Variants in MEIS2 observed in about 807,000 individuals in gnomAD.
MEIS2 encodes the protein homeobox protein Meis2.
A neutral mutation model predicts 58.6 loss-of-function variants in MEIS2; 9 were observed. That is an observed-to-expected ratio of 0.15 (90% CI 0.09 to 0.27). The LOEUF (loss-of-function observed/expected upper bound fraction) is 0.27, where lower values mean the gene tolerates loss of function less well. Ranked by LOEUF, MEIS2 falls within the 10% of genes least tolerant of loss-of-function variation. MEIS2 has a pLI of 1.00. For synonymous variants in MEIS2, 221 were observed against 228.4 expected, an observed-to-expected ratio of 0.97 and a Z score of 0.29; for missense variants, 427 against 635.0, an observed-to-expected ratio of 0.67 and a Z score of 3.52.
intron 7 of MEIS2, among the ~76,000 whole-genome samples, chr15:37,082,672 C>T (rs978882077): frequency 6.6e-6 from 1 of 152,162 alleles, no homozygotes; most frequent in Admixed American, 6.5e-5. Flanking sequence ...TGATTCATCG[C>T]TGTGTTAGTT....
At chr15:36,935,110 G>A (rs1021101384) in intron 9 of MEIS2, among the ~76,000 whole-genome samples, 1 of 151,900 alleles carries the variant, frequency 6.6e-6, no homozygotes. Context: ...GAGCCACTTA[G>A]CTGGTTGTTA....
At chr15:36,988,775 T>C (rs899608767) in intron 8 of MEIS2, among the ~76,000 whole-genome samples, 5 of 152,222 alleles carry the variant, frequency 3.3e-5, no homozygotes, top group African/African-American at 1.2e-4. Context: ...GATTTGGCAG[T>C]TCCCCCAAAC....
rs574595231 is a variant in MEIS2, at chr15:37,089,728, A to G, written c.639+3853T>C. On this transcript the variant is annotated intron_variant, in intron 6 of 11. Transcript: ENST00000561208. ...ACTAGGAATAACAATATAATTGTAT[A>G]ACTGTATTTGCTTCAAGAAAATAGA... Among the ~76,000 whole-genome samples, 17 of 152,304 alleles carry G rather than the reference A, an allele frequency of 1.1e-4. No individual in the cohort carries two copies. In the South Asian group the frequency reaches 3.5e-3, roughly 32 times the overall value.
chr15:36,971,536 T>TAAAAAAAAAAAAAAAAAAAAAAAAA lies in MEIS2; in HGVS notation c.901-21137_901-21136insTTTTTTTTTTTTTTTTTTTTTTTTT, dbSNP rs1567126001. Among the ~76,000 whole-genome samples the TAAAAAAAAAAAAAAAAAAAAAAAAA allele has an allele frequency of 6.3e-4, 41 of 65,420 alleles. 9 individuals carry two copies. The highest frequency in any genetic ancestry group is 9.8e-4 in the Admixed American group (5 of 5,082). The allele number at this position is 65,420 out of a possible 152,430, so 42.9% of individuals were successfully genotyped here. A position where few individuals can be genotyped will look rare whatever the true frequency, so the allele number is the denominator to read the frequency against. ...TGTATTACTTGTATGCCTTGTTACA[T>TAAAAAAAAAAAAAAAAAAAAAAAAA]TAAAAAAAAAAAAAAAAAAAAAAAA... is the stretch of plus-strand genomic sequence containing the variant. On this transcript the variant is annotated intron_variant, in intron 8 of 11. Coordinates refer to ENST00000561208, the MANE Select transcript of MEIS2 (RefSeq NM_170675.5).
intron 8 of MEIS2, among the ~76,000 whole-genome samples, chr15:36,966,922 C>T (rs2059377679): frequency 6.6e-6 from 1 of 152,110 alleles, no homozygotes; most frequent in Admixed American, 6.5e-5. Flanking sequence ...CAGAGCCCTA[C>T]TGCAGAGTGA....
chr15:37,094,363 T>G (rs1309974427), intron 5 of MEIS2, among the ~76,000 whole-genome samples, 164 bp downstream of exon 5: 1 of 152,180 alleles, frequency 6.6e-6, no homozygotes, highest in African/African-American at 2.4e-5. Context: ...TCACCCACCC[T>G]CTGAGCCCCT....
At chr15:36,963,291 A>C (rs2059248831) in intron 8 of MEIS2, among the ~76,000 whole-genome samples, 2 of 152,180 alleles carry the variant, frequency 1.3e-5, no homozygotes, top group South Asian at 4.2e-4. Context: ...GAGGCAGGAG[A>C]ATCGCTTGAA....
At chr15:36,919,679 T>C (rs1035561421) in intron 9 of MEIS2, among the ~76,000 whole-genome samples, 4 of 152,284 alleles carry the variant, frequency 2.6e-5, no homozygotes, top group Non-Finnish European at 2.9e-5. Context: ...GGTCCAGTCA[T>C]AGCACTAATT....
At chr15:37,068,615 C>T (rs990106682) in intron 7 of MEIS2, among the ~76,000 whole-genome samples, 5 of 152,158 alleles carry the variant, frequency 3.3e-5, no homozygotes, top group African/African-American at 1.2e-4. Context: ...AGATGAGTGG[C>T]CCTCCATAAT....
At chr15:37,098,320 TGA>T (rs1894584078) in intron 1 of MEIS2, 121 bp from the exon 2 acceptor site, 4 of 1,259,490 alleles carry the variant, frequency 3.2e-6, no homozygotes, top group East Asian at 3.2e-5. Flanking sequence ...GGGATAAAGA[TGA>T]GAGAGAGGGA....
chr15:36,982,952 G>C (rs937801624), intron 8 of MEIS2, among the ~76,000 whole-genome samples: 1 of 151,934 alleles, frequency 6.6e-6, no homozygotes, highest in African/African-American at 2.4e-5. Context: ...TGTCTTCTTT[G>C]GAAAAATGTC....
At chr15:36,990,374 T>C (rs995776254) in intron 8 of MEIS2, among the ~76,000 whole-genome samples, 4 of 152,180 alleles carry the variant, frequency 2.6e-5, no homozygotes, top group East Asian at 3.9e-4. Flanking sequence ...CTTTGTCTAA[T>C]ATTAAATCAG....
chr15:36,903,092 G>C (rs1030971940), intron 9 of MEIS2, among the ~76,000 whole-genome samples: 2 of 152,082 alleles, frequency 1.3e-5, no homozygotes, highest in Non-Finnish European at 2.9e-5. Flanking sequence ...AAATATTTGA[G>C]AAATTTCCCC....
intron 11 of MEIS2, chr15:36,894,655 T>C: frequency 7.3e-7 from 1 of 1,365,374 alleles, no homozygotes. Context: ...GGGCAAATTA[T>C]AAAAAATAAA....
chr15:37,022,184 A>G (rs1322806277), intron 8 of MEIS2, among the ~76,000 whole-genome samples: 1 of 152,092 alleles, frequency 6.6e-6, no homozygotes, highest in African/African-American at 2.4e-5. Flanking sequence ...TTTTTAACAC[A>G]TATTACTAGT....
intron 7 of MEIS2, among the ~76,000 whole-genome samples, chr15:37,040,047 G>GTTT (rs11393172): frequency 2.1e-5 from 3 of 145,102 alleles, no homozygotes. Context: ...GGATATTGGT[G>GTTT]TTTTTTTTTT....
intron 9 of MEIS2, among the ~76,000 whole-genome samples, chr15:36,917,519 G>C (rs1412868630): frequency 6.6e-6 from 1 of 151,056 alleles, no homozygotes; most frequent in African/African-American, 2.4e-5. Flanking sequence ...GGTTATACAT[G>C]AATAGTGCTT....
At chr15:36,913,595 T>A (rs1341862644) in intron 9 of MEIS2, among the ~76,000 whole-genome samples, 1 of 152,090 alleles carries the variant, frequency 6.6e-6, no homozygotes, top group Non-Finnish European at 1.5e-5. Flanking sequence ...GTAAAAAAAA[T>A]AATTTTAAAA....
At chr15:36,997,712 A>G (rs531436328) in intron 8 of MEIS2, among the ~76,000 whole-genome samples, 24 of 152,052 alleles carry the variant, frequency 1.6e-4, no homozygotes, top group Admixed American at 1.4e-3. Context: ...CGATCTCCTG[A>G]CCTAGTGATC....
Sources: allele counts gnomAD v4.1 joint callset (sites outside exome capture counted in the v4.1 genomes callset), GRCh38; gene constraint gnomAD v4.1.1; transcripts MANE v1.5; gene names NCBI Gene and HGNC (gene_info 2026-07-23, HGNC 2026-07-21).